Variants in ROCK2 observed in about 807,000 individuals in gnomAD.
ROCK2 encodes Rho associated coiled-coil containing protein kinase 2.
In ROCK2, 61 loss-of-function variants were observed where a neutral mutation model predicts 195.1. The observed-to-expected ratio is 0.31, with a 90% CI of 0.25 to 0.39. ROCK2 has a LOEUF of 0.39. Ranked by LOEUF, ROCK2 falls within the 10% of genes least tolerant of loss-of-function variation. ROCK2 has a pLI of 1.00. For missense variants in ROCK2, 1,109 were observed against 1,637.4 expected, an observed-to-expected ratio of 0.68 and a Z score of 5.57; for synonymous variants, 504 against 545.5, an observed-to-expected ratio of 0.92 and a Z score of 1.06.
At position 11,235,662 on chromosome 2, in the gene ROCK2, C is replaced by A. The variant is rs1191062654; in HGVS notation, c.723+40G>T. 1.9e-6 allele frequency: 3 copies of A among 1,549,732 alleles called. No individual in the cohort carries two copies. Among genetic ancestry groups the A allele is most frequent in the African/African-American group, 1.4e-5 (1 of 72,674 alleles). The stretch of plus-strand genomic sequence containing the variant: ...CTTAAAGTATTTCATTTATTTCTGT[C>A]CCTCAAAACACTATCGTTTTAAATA... On this transcript the variant is annotated intron_variant, in intron 5 of 32. Coordinates refer to ENST00000315872, the MANE Select transcript of ROCK2 (RefSeq NM_004850.5). This position sits in a 1 kb window ranked among gnomAD's most constrained non-coding sequence, Gnocchi z 4.2.
chr2:11,301,034 G>A (rs1010208840), intron 1 of ROCK2, among the ~76,000 whole-genome samples: 6 of 152,054 alleles, frequency 3.9e-5, no homozygotes, highest in African/African-American at 1.4e-4. Flanking sequence ...ACTGAACTTA[G>A]AACCTAATCT....
chr2:11,307,935 T>C lies in ROCK2; in HGVS notation c.142-20199A>G, dbSNP rs1048601871. ...GGCCGTAGCGGTCCTCCTGGCCCTG[T>C]TAATGTCAGGGCCAGGCCTGGGAAG... On this transcript the variant is annotated intron_variant, in intron 1 of 32. Coordinates refer to ENST00000315872, the MANE Select transcript of ROCK2 (RefSeq NM_004850.5). 20 of 1,405,320 alleles carry C rather than the reference T, an allele frequency of 1.4e-5. No individual in the cohort carries two copies. In the African/African-American group the frequency reaches 2.9e-4, roughly 20 times the overall value. The allele number at this position is 1,405,320 out of a possible 1,614,324, so 87.1% of individuals were successfully genotyped here.
At chr2:11,343,562 A>T (rs1669177398) in intron 1 of ROCK2, among the ~76,000 whole-genome samples, 1 of 152,188 alleles carries the variant, frequency 6.6e-6, no homozygotes, top group African/African-American at 2.4e-5. Flanking sequence ...GCTCTTTGTC[A>T]TGTACCCCAG....
intron 32 of ROCK2, 99 bp from the exon 33 acceptor site, chr2:11,183,539 T>C (rs1558269346): frequency 4.9e-6 from 4 of 821,014 alleles, no homozygotes; most frequent in Admixed American, 2.8e-5. Flanking sequence ...TTAAACTATA[T>C]AGTCTTCCAG....
chr2:11,203,120 G>A (rs1437516689), intron 20 of ROCK2, among the ~76,000 whole-genome samples: 2 of 151,948 alleles, frequency 1.3e-5, no homozygotes, highest in East Asian at 1.9e-4. Flanking sequence ...TTCAATAAAG[G>A]AATAAAATAA....
rs190145170 is a variant in ROCK2 at position 11,309,374 on chromosome 2, G to A, written c.142-21638C>T. On this transcript the variant is annotated intron_variant, in intron 1 of 32. Transcript: ENST00000315872. The stretch of plus-strand genomic sequence containing the variant: ...CTAGAACCAGTCTCCCACAGACTTC[G>A]AGGAATGACTGTATATGTACGCGTG... Among the ~76,000 whole-genome samples, 32 of 152,190 alleles carry A rather than the reference G, an allele frequency of 2.1e-4. 1 individual carries two copies. Among genetic ancestry groups the A allele is most frequent in the Middle Eastern group, 3.4e-3 (1 of 294 alleles).
intron 1 of ROCK2, among the ~76,000 whole-genome samples, chr2:11,290,606 C>T (rs544542692): frequency 6.6e-6 from 1 of 152,180 alleles, no homozygotes. Flanking sequence ...CCCACTGAGA[C>T]TAAACAAAAC....
intron 6 of ROCK2, among the ~76,000 whole-genome samples, chr2:11,225,723 A>G (rs1664788264): frequency 6.6e-6 from 1 of 152,210 alleles, no homozygotes; most frequent in Non-Finnish European, 1.5e-5. Flanking sequence ...AAGCGTGTCT[A>G]GGCAAAAAAG....
At chr2:11,226,650 G>C (rs888557872) in intron 6 of ROCK2, among the ~76,000 whole-genome samples, 5 of 151,996 alleles carry the variant, frequency 3.3e-5, no homozygotes, top group African/African-American at 1.2e-4. Flanking sequence ...GGTGGTTCAT[G>C]CCTAAAATCC....
At chr2:11,191,281 C>T (rs548569711) in intron 32 of ROCK2, among the ~76,000 whole-genome samples, 15 of 152,240 alleles carry the variant, frequency 9.9e-5, no homozygotes, top group Non-Finnish European at 1.3e-4. Flanking sequence ...TTGTGAATCA[C>T]GATATTTAAC....
chr2:11,181,727 G>A lies in ROCK2; in HGVS notation c.*1710C>T, dbSNP rs932192195. 13 of 148,680 alleles carry A rather than the reference G, an allele frequency of 8.7e-5. No homozygotes were observed. The highest frequency in any genetic ancestry group is 3.2e-4 in the African/African-American group (13 of 40,214). The allele number at this position is 148,680 out of a possible 1,614,324, so 9.2% of individuals were successfully genotyped here. ...TCGCTCACTGCAACCACCGTCTCCT[G>A]GGTTCAAGCGATTCTCCTGTCTCAG... On this transcript the variant is annotated 3_prime_UTR_variant, in exon 33 of 33. Transcript: ENST00000315872.
At chr2:11,244,935 C>A (rs1045695414) in intron 4 of ROCK2, among the ~76,000 whole-genome samples, 1 of 151,842 alleles carries the variant, frequency 6.6e-6, no homozygotes, top group Non-Finnish European at 1.5e-5. Context: ...ATAAGAAAAC[C>A]AAGAGCCCAT....
At chr2:11,203,656 TGTTTA>T (rs1403360016) in intron 20 of ROCK2, among the ~76,000 whole-genome samples, 6 of 152,186 alleles carry the variant, frequency 3.9e-5, no homozygotes, top group African/African-American at 1.4e-4. Context: ...TTGGTCACTT[TGTTTA>T]CTCACTGGCT....
rs137882883 is a variant in ROCK2 at position 11,198,615 on chromosome 2, T to C, written c.3005-30A>G. 47 of 1,588,970 alleles carry C rather than the reference T, an allele frequency of 3.0e-5. No individual in the cohort carries two copies. In the East Asian group the frequency reaches 3.6e-4, roughly 12 times the overall value. On this transcript the variant is annotated intron_variant, in intron 24 of 32. Transcript: ENST00000315872. Reference sequence around the variant, plus strand: ...AACATGGAAAAAAGTTAAAATTACATTGGTAATTACAGCAGCTGATAAACA... The same window carrying C: ...AACATGGAAAAAAGTTAAAATTACACTGGTAATTACAGCAGCTGATAAACA...
intron 1 of ROCK2, among the ~76,000 whole-genome samples, chr2:11,336,802 A>G (rs1668942646): frequency 6.6e-6 from 1 of 152,254 alleles, no homozygotes; most frequent in Non-Finnish European, 1.5e-5. Flanking sequence ...CACACATTAA[A>G]TTTAGCTTAA....
At chr2:11,285,739 A>G (rs1667165520) in intron 3 of ROCK2, among the ~76,000 whole-genome samples, 3 of 152,164 alleles carry the variant, frequency 2.0e-5, no homozygotes, top group African/African-American at 7.2e-5. Context: ...AGGTAGGAGA[A>G]CTGCTTGAGC....
intron 1 of ROCK2, among the ~76,000 whole-genome samples, chr2:11,296,018 G>GA (rs1667521839): frequency 7.6e-6 from 1 of 132,022 alleles, no homozygotes; most frequent in African/African-American, 2.8e-5. Context: ...GAGAGAGAGA[G>GA]AGAGAGAGAG....
Position 11,181,181 on chromosome 2 carries a change from AATATATATATATATAT to A in ROCK2, c.*2240_*2255del, listed in dbSNP as rs71393855. ...TTTCACCTTAATAAAGTTTATTAAAAATATATATATATATATATATATATATATACTCTCCAATTCA... is the reference window on the plus strand; with the variant it reads ...TTTCACCTTAATAAAGTTTATTAAAAATATATATATATACTCTCCAATTCA... On this transcript the variant is annotated 3_prime_UTR_variant, in exon 33 of 33. Transcript: ENST00000315872. 2.2e-5 allele frequency: 3 copies of A among 136,160 alleles called. No individual in the cohort carries two copies. Among genetic ancestry groups the A allele is most frequent in the Non-Finnish European group, 4.7e-5 (3 of 63,196 alleles). 8.4% of individuals were successfully genotyped at this position (136,160 alleles called of 1,614,324 possible).
At position 11,332,985 on chromosome 2, in the gene ROCK2, G is replaced by A. The variant is rs1309155536; in HGVS notation, c.141+11011C>T. On this transcript the variant is annotated intron_variant, in intron 1 of 32. Coordinates refer to ENST00000315872, the MANE Select transcript of ROCK2 (RefSeq NM_004850.5). Reference sequence around the variant, plus strand: ...ACAGACAAACTTATAGAGACAGAAAGCAGATCAGTGGTTGGCTGGGGATGG... The same window carrying A: ...ACAGACAAACTTATAGAGACAGAAAACAGATCAGTGGTTGGCTGGGGATGG... 2.6e-5 allele frequency among the ~76,000 whole-genome samples: 4 copies of A among 152,150 alleles called. No homozygotes were observed. In the East Asian group the frequency reaches 7.7e-4, roughly 29 times the overall value.
Sources: gnomAD v4.1 joint callset for allele counts (sites outside exome capture counted in the v4.1 genomes callset) on GRCh38, gnomAD v4.1.1 for gene constraint, Gnocchi (gnomAD v3.1) non-coding constraint, MANE v1.5 for transcripts, NCBI Gene and HGNC (gene_info 2026-07-23, HGNC 2026-07-21) for gene names.